DLG2: variants seen among roughly 807,000 people sequenced by gnomAD.
DLG2 encodes discs large MAGUK scaffold protein 2, also known as disks large homolog 2.
A neutral mutation model predicts 132.5 loss-of-function variants in DLG2; 45 were observed. The observed-to-expected ratio is 0.34, with a 90% CI of 0.27 to 0.44. The LOEUF (loss-of-function observed/expected upper bound fraction) is 0.44, where lower values mean the gene tolerates loss of function less well. DLG2 is among the 20% of genes least tolerant of loss of function. DLG2 has a pLI of 1.00. For missense variants in DLG2, 1,045 were observed against 1,196.9 expected (o/e 0.87, Z 1.87); for synonymous variants, 424 against 419.6 (o/e 1.01, Z -0.13).
At chr11:83,851,579 A>T (rs1425194025) in intron 16 of DLG2, among the ~76,000 whole-genome samples, 2 of 147,692 alleles carry the variant, frequency 1.4e-5, no homozygotes. Context: ...GTGAGCGGAG[A>T]TGGAGCCATT....
chr11:85,209,595 C>CTTTTT (rs60317922), intron 4 of DLG2, among the ~76,000 whole-genome samples: 91,619 of 116,612 alleles, frequency 0.79, 37,624 homozygotes, highest in Non-Finnish European at 0.87. Flanking sequence ...ACCCAGCTAA[C>CTTTTT]TTTTTTTTTT....
At chr11:85,612,028 G>A (rs1211280851) in intron 2 of DLG2, among the ~76,000 whole-genome samples, 1 of 152,104 alleles carries the variant, frequency 6.6e-6, no homozygotes, top group Non-Finnish European at 1.5e-5. Flanking sequence ...AAGAGAGAAG[G>A]AAAGAGAGGA....
chr11:85,461,471 C>T (rs1196493597), intron 3 of DLG2, among the ~76,000 whole-genome samples: 1 of 152,202 alleles, frequency 6.6e-6, no homozygotes, highest in East Asian at 1.9e-4. Context: ...CTGATCTCTA[C>T]CATATTTGAG....
At chr11:84,208,648 T>A (rs2096710029) in intron 8 of DLG2, among the ~76,000 whole-genome samples, 1 of 152,112 alleles carries the variant, frequency 6.6e-6, no homozygotes, top group Admixed American at 6.5e-5. Context: ...CTGGCCAGAA[T>A]AAACTTTTTA....
intron 7 of DLG2, among the ~76,000 whole-genome samples, chr11:84,501,546 A>T (rs1156834790): frequency 6.6e-6 from 1 of 152,210 alleles, no homozygotes; most frequent in Non-Finnish European, 1.5e-5. Flanking sequence ...AGCCTGGGTG[A>T]CAGAGCCGAG....
At chr11:83,844,795 G>T (rs751659979) in intron 16 of DLG2, among the ~76,000 whole-genome samples, 3 of 152,038 alleles carry the variant, frequency 2.0e-5, no homozygotes, top group Non-Finnish European at 4.4e-5. Flanking sequence ...TAGGGGTAAC[G>T]TATGAGATGG....
intron 5 of DLG2, among the ~76,000 whole-genome samples, chr11:85,145,262 A>G (rs527281552): frequency 1.3e-5 from 2 of 151,774 alleles, no homozygotes; most frequent in South Asian, 2.1e-4. Flanking sequence ...TCCTTTCTTT[A>G]TCCTTAGCCT....
At chr11:84,587,603 C>T (rs1202517167) in intron 6 of DLG2, among the ~76,000 whole-genome samples, 2 of 151,946 alleles carry the variant, frequency 1.3e-5, no homozygotes, top group African/African-American at 2.4e-5. Context: ...TTTAAAAAGG[C>T]GGTTCTGGCA....
intron 6 of DLG2, among the ~76,000 whole-genome samples, chr11:84,842,816 G>T (rs1366050588): frequency 2.0e-5 from 3 of 151,848 alleles, no homozygotes; most frequent in African/African-American, 4.8e-5. Context: ...GCATGCATGT[G>T]TGGATGCACA....
rs1566951591 is a variant in DLG2, at chr11:84,214,272, C to CATATATATGAATATATATAT, written c.573+36965_573+36966insATATATATATTCATATATAT. On this transcript the variant is annotated intron_variant, in intron 8 of 27. Coordinates refer to ENST00000376104, the MANE Select transcript of DLG2 (RefSeq NM_001142699.3). The stretch of plus-strand genomic sequence containing the variant: ...ATATACATATATATGAATATATATA[C>CATATATATGAATATATATAT]ACATATATGAATATATATATGAGAG... Among the ~76,000 whole-genome samples, 130 of 131,948 alleles carry CATATATATGAATATATATAT rather than the reference C, an allele frequency of 9.9e-4. 5 individuals are homozygous for CATATATATGAATATATATAT. The highest frequency in any genetic ancestry group is 4.5e-3 in the African/African-American group (121 of 26,674). 86.6% of individuals were successfully genotyped at this position (131,948 alleles called of 152,430 possible). A position where few individuals can be genotyped will look rare whatever the true frequency, so the allele number is the denominator to read the frequency against.
chr11:84,863,180 C>T (rs1397267404), intron 6 of DLG2, among the ~76,000 whole-genome samples: 1 of 151,980 alleles, frequency 6.6e-6, no homozygotes, highest in Non-Finnish European at 1.5e-5. Flanking sequence ...TATGCGGCTG[C>T]AAAAGTTCAC....
At chr11:83,554,827 A>G (rs191341231) in intron 19 of DLG2, among the ~76,000 whole-genome samples, 2 of 152,330 alleles carry the variant, frequency 1.3e-5, no homozygotes, top group African/African-American at 4.8e-5. Flanking sequence ...AATACAGTGT[A>G]ACTTTTAGAT....
intron 15 of DLG2, among the ~76,000 whole-genome samples, chr11:83,905,859 G>A (rs1338051502): frequency 6.6e-6 from 1 of 151,974 alleles, no homozygotes; most frequent in Non-Finnish European, 1.5e-5. Flanking sequence ...GTGATAGGGT[G>A]GGCCAAATAA....
At chr11:83,771,140 T>C (rs1420363953) in intron 18 of DLG2, among the ~76,000 whole-genome samples, 1 of 152,196 alleles carries the variant, frequency 6.6e-6, no homozygotes, top group Non-Finnish European at 1.5e-5. Flanking sequence ...GTAGACACAC[T>C]ACTTTCATTA....
At chr11:83,677,295 C>T (rs2077910421) in intron 18 of DLG2, among the ~76,000 whole-genome samples, 2 of 152,132 alleles carry the variant, frequency 1.3e-5, no homozygotes, top group South Asian at 4.1e-4. Context: ...ACCAACTCTT[C>T]CAGGCAAAAT....
intron 7 of DLG2, among the ~76,000 whole-genome samples, chr11:84,491,327 T>G (rs2099164575): frequency 6.6e-6 from 1 of 152,074 alleles, no homozygotes; most frequent in Admixed American, 6.6e-5. Flanking sequence ...GGAGTTTTCC[T>G]GCACAAACTC....
intron 3 of DLG2, among the ~76,000 whole-genome samples, chr11:85,401,812 A>G (rs1334204720): frequency 6.6e-6 from 1 of 152,188 alleles, no homozygotes; most frequent in Non-Finnish European, 1.5e-5. Flanking sequence ...AAGGAGAACT[A>G]CAAACCCACT....
At chr11:84,408,393 G>C (rs117541678) in intron 7 of DLG2, among the ~76,000 whole-genome samples, 1 of 151,720 alleles carries the variant, frequency 6.6e-6, no homozygotes, top group African/African-American at 2.4e-5. Context: ...TGTGCACAAC[G>C]TGCAGATTTG....
intron 4 of DLG2, among the ~76,000 whole-genome samples, chr11:85,165,256 T>A (rs1051686987): frequency 6.6e-6 from 1 of 152,150 alleles, no homozygotes; most frequent in Non-Finnish European, 1.5e-5. Context: ...AATTTTTATG[T>A]GAAATAGCTT....
Sources: allele counts gnomAD v4.1 joint callset (sites outside exome capture counted in the v4.1 genomes callset), GRCh38; gene constraint gnomAD v4.1.1; transcripts MANE v1.5; gene names NCBI Gene and HGNC (gene_info 2026-07-23, HGNC 2026-07-21).